The following SHROOM2 variants were observed in gnomAD, a reference collection of about 807,000 sequenced individuals.
SHROOM2 encodes shroom family member 2, also known as protein Shroom2.
Under a neutral mutation model 75.9 loss-of-function variants are expected in SHROOM2, and 33 were observed. The observed-to-expected ratio is 0.43, with a 90% CI of 0.33 to 0.58. SHROOM2 has a LOEUF of 0.58. Among genes scored for constraint, SHROOM2 ranks in the 20% least tolerant of loss-of-function variants. SHROOM2 has a pLI of 0.04. For synonymous variants in SHROOM2, 655 were observed against 663.6 expected, an observed-to-expected ratio of 0.99 and a Z score of 0.20; for missense variants, 1,434 against 1,461.2, an observed-to-expected ratio of 0.98 and a Z score of 0.30.
intron 2 of SHROOM2, among the ~76,000 whole-genome samples, chrX:9,890,270 G>A (rs999641339): frequency 1.8e-5 from 2 of 112,412 alleles, no homozygotes; most frequent in South Asian, 3.7e-4. Flanking sequence ...GGGAGGCTAA[G>A]GCAGGAGAAT....
chrX:9,829,150 A>C (rs2083902961), intron 1 of SHROOM2, among the ~76,000 whole-genome samples: 2 of 111,900 alleles, frequency 1.8e-5, no homozygotes, highest in African/African-American at 6.5e-5. Context: ...CAGCCTCCTG[A>C]GTAGCTGGGA....
chrX:9,797,299 G>A (rs1360747638), intron 1 of SHROOM2, among the ~76,000 whole-genome samples: 1 of 112,525 alleles, frequency 8.9e-6, no homozygotes, highest in Non-Finnish European at 1.9e-5. Context: ...TCATCAGCGT[G>A]GATCCCTGAA....
chrX:9,861,529 G>A (rs1191671483), intron 1 of SHROOM2, among the ~76,000 whole-genome samples: 2 of 111,788 alleles, frequency 1.8e-5, no homozygotes, highest in East Asian at 2.8e-4. Context: ...TGATGAAAAC[G>A]GATACTTTGT....
intron 1 of SHROOM2, among the ~76,000 whole-genome samples, chrX:9,863,334 G>GTGAT (rs1156500532): frequency 5.4e-5 from 6 of 110,686 alleles, no homozygotes; most frequent in Non-Finnish European, 1.1e-4. Flanking sequence ...TCACCTAGCC[G>GTGAT]ATCACCCAGC....
intron 1 of SHROOM2, among the ~76,000 whole-genome samples, chrX:9,799,930 A>G (rs2083715333): frequency 9.0e-6 from 1 of 111,336 alleles, no homozygotes; most frequent in South Asian, 3.8e-4. Flanking sequence ...GCACAATCCA[A>G]ATGGGAATCA....
intron 5 of SHROOM2, among the ~76,000 whole-genome samples, chrX:9,909,208 A>T (rs1368485236): frequency 9.0e-6 from 1 of 111,540 alleles, no homozygotes; most frequent in Non-Finnish European, 1.9e-5. Flanking sequence ...TGTCATAGGG[A>T]CACAGGAACC....
chrX:9,896,402 G>A lies in SHROOM2; in HGVS notation c.2494G>A (p.Ala832Thr). 1 of 1,212,471 alleles carries A rather than the reference G, an allele frequency of 8.2e-7. No homozygotes were observed. Among genetic ancestry groups the A allele is most frequent in the Non-Finnish European group, 1.1e-6 (1 of 895,692 alleles). ...AGACAAGCCAGAGAGGCCGCGGACA[G>A]CGGGCCGCACATGTGAGGGCACGGA... ...PRDKPERPRTAGRTCEGTEPW... is the reference protein window; with the variant it reads ...PRDKPERPRTTGRTCEGTEPW... Residue 832 changes from alanine to threonine, a missense_variant, in exon 4 of 10, where the codon GCG becomes ACG. Physicochemically the swap from Ala to Thr is moderately conservative, Grantham distance 58. Transcript: ENST00000380913.
intron 5 of SHROOM2, among the ~76,000 whole-genome samples, chrX:9,900,256 A>G (rs965143027): frequency 1.8e-5 from 2 of 111,159 alleles, no homozygotes; most frequent in African/African-American, 6.5e-5. Flanking sequence ...TGTAGGTTGA[A>G]AAGTTGTTTT....
chrX:9,914,423 C>T (rs1204582046), intron 5 of SHROOM2, among the ~76,000 whole-genome samples: 1 of 107,902 alleles, frequency 9.3e-6, no homozygotes, highest in Non-Finnish European at 1.9e-5. Flanking sequence ...TAATTTTTTA[C>T]CTCTCATATG....
chrX:9,828,526 G>C (rs1316302083), intron 1 of SHROOM2, among the ~76,000 whole-genome samples: 1 of 111,487 alleles, frequency 9.0e-6, no homozygotes, highest in African/African-American at 3.3e-5. Context: ...GCCTTACCCA[G>C]GCTGGAGACC....
intron 1 of SHROOM2, among the ~76,000 whole-genome samples, chrX:9,836,189 G>T (rs897768656): frequency 8.9e-6 from 1 of 112,027 alleles, no homozygotes; most frequent in Non-Finnish European, 1.9e-5. Flanking sequence ...GAGTGGAAAG[G>T]CCCATGTCCC....
At chrX:9,809,716 T>G (rs1211552525) in intron 1 of SHROOM2, among the ~76,000 whole-genome samples, 5 of 112,860 alleles carry the variant, frequency 4.4e-5, no homozygotes, top group Non-Finnish European at 9.4e-5. Context: ...TTGCCCAGGC[T>G]GGAGTGCAGT....
chrX:9,907,687 T>C (rs2084398925), intron 5 of SHROOM2, among the ~76,000 whole-genome samples: 1 of 112,036 alleles, frequency 8.9e-6, no homozygotes, highest in African/African-American at 3.2e-5. Context: ...CAGATATTGA[T>C]GACTCAACAG....
At position 9,911,917 on chromosome X, in the gene SHROOM2, TG is replaced by T. The variant is rs1269103366; in HGVS notation, c.2891+13628del. ...TTAATAGAGAAAGCTGTAACATCAG[TG>T]CAGTGGGCTTTCTATATTTCCCCGT... is the stretch of plus-strand genomic sequence containing the variant. On this transcript the variant is annotated intron_variant, in intron 5 of 9. Transcript: ENST00000380913. Among the ~76,000 whole-genome samples, 9 of 110,512 alleles carry T rather than the reference TG, an allele frequency of 8.1e-5. No homozygotes were observed. In the South Asian group the frequency reaches 3.1e-3, roughly 38 times the overall value.
At chrX:9,856,292 TAAAA>T (rs755021494) in intron 1 of SHROOM2, among the ~76,000 whole-genome samples, 1 of 111,030 alleles carries the variant, frequency 9.0e-6, no homozygotes, top group Non-Finnish European at 1.9e-5. Flanking sequence ...TTTAGCATAA[TAAAA>T]AAACTACCTC....
chrX:9,898,955 T>TTA (rs2084350265), intron 5 of SHROOM2, among the ~76,000 whole-genome samples: 1 of 110,844 alleles, frequency 9.0e-6, no homozygotes, highest in Non-Finnish European at 1.9e-5. Flanking sequence ...ATACATAGTA[T>TTA]AATCTGTGCT....
chrX:9,907,880 C>A (rs2084400123), intron 5 of SHROOM2, among the ~76,000 whole-genome samples: 1 of 111,732 alleles, frequency 8.9e-6, no homozygotes, highest in African/African-American at 3.3e-5. Context: ...GTCATTGCAA[C>A]AGATCGGATG....
intron 1 of SHROOM2, among the ~76,000 whole-genome samples, chrX:9,788,748 G>C (rs749901977): frequency 9.0e-6 from 1 of 110,664 alleles, no homozygotes; most frequent in South Asian, 3.9e-4. Flanking sequence ...GCCAGCCTTG[G>C]CATTGGGGAC....
chrX:9,837,281 C>A (rs148494137), intron 1 of SHROOM2, among the ~76,000 whole-genome samples: 1,532 of 112,324 alleles, frequency 0.014, 20 homozygotes, highest in African/African-American at 0.047. Flanking sequence ...ACTTGGGAGC[C>A]GGGATTGTTA....
Sources: allele counts gnomAD v4.1 joint callset (sites outside exome capture counted in the v4.1 genomes callset), GRCh38; gene constraint gnomAD v4.1.1; transcripts MANE v1.5; gene names NCBI Gene and HGNC (gene_info 2026-07-23, HGNC 2026-07-21).